Variants in CACNB2 observed in about 807,000 individuals in gnomAD.
The protein encoded by CACNB2 is voltage-dependent L-type calcium channel subunit beta-2.
CACNB2 carries 42 observed loss-of-function variants against 73.3 expected under a neutral mutation model. The observed-to-expected ratio is 0.57, with a 90% CI of 0.45 to 0.74. The LOEUF (loss-of-function observed/expected upper bound fraction) is 0.74. Ranked by LOEUF, CACNB2 falls within the 30% of genes least tolerant of loss-of-function variation. The pLI, the probability that CACNB2 is intolerant of heterozygous loss-of-function variation, is 0.00. For synonymous variants in CACNB2, 348 were observed against 310.3 expected (o/e 1.12, Z -1.28); for missense variants, 940 against 853.0 (o/e 1.10, Z -1.27).
intron 2 of CACNB2, among the ~76,000 whole-genome samples, chr10:18,265,339 G>A (rs989869138): frequency 6.6e-6 from 1 of 151,900 alleles, no homozygotes; most frequent in Non-Finnish European, 1.5e-5. Context: ...CACCATATTG[G>A]CCAGGCTGGT....
chr10:18,330,123 C>T (rs904378046), intron 2 of CACNB2, among the ~76,000 whole-genome samples: 1 of 152,118 alleles, frequency 6.6e-6, no homozygotes, highest in African/African-American at 2.4e-5. Flanking sequence ...TTACAGTTGT[C>T]AGCCACTGCA....
chr10:18,289,284 G>GTTTTTTTTTTTTTTTTT (rs1489491866), intron 2 of CACNB2, among the ~76,000 whole-genome samples: 3 of 85,568 alleles, frequency 3.5e-5, no homozygotes, highest in African/African-American at 1.8e-4. Context: ...TTTTTTTCTT[G>GTTTTTTTTTTTTTTTTT]TTTTTTTGTT....
chr10:18,331,098 G>A (rs530763319), intron 2 of CACNB2, among the ~76,000 whole-genome samples: 9 of 151,970 alleles, frequency 5.9e-5, no homozygotes, highest in East Asian at 1.9e-4. Flanking sequence ...TGATTCTCCC[G>A]CCTCAGCCTC....
chr10:18,325,589 CTCTT>C (rs1429813439), intron 2 of CACNB2, among the ~76,000 whole-genome samples: 1 of 150,192 alleles, frequency 6.7e-6, no homozygotes, highest in Non-Finnish European at 1.5e-5. Context: ...TTTTCTTTCT[CTCTT>C]TCTCTGTCTT....
intron 2 of CACNB2, among the ~76,000 whole-genome samples, chr10:18,242,851 C>CA (rs1257214597): frequency 1.4e-5 from 2 of 147,262 alleles, no homozygotes; most frequent in Admixed American, 6.8e-5. Flanking sequence ...ACCAAAAAAA[C>CA]AAAAAAACAT....
chr10:18,487,703 C>T (rs1459354477), intron 3 of CACNB2, among the ~76,000 whole-genome samples: 4 of 152,060 alleles, frequency 2.6e-5, no homozygotes, highest in South Asian at 2.1e-4. Context: ...GGCATGTTGG[C>T]GGGCGCCTAT....
In CACNB2 at chr10:18,502,708, A is replaced by C. The variant is rs897869708; in HGVS notation, c.593+1760A>C. 1.3e-3 allele frequency among the ~76,000 whole-genome samples: 160 copies of C among 118,762 alleles called. 1 individual carries two copies. The highest frequency in any genetic ancestry group is 4.0e-3 in the African/African-American group (124 of 30,794). The allele number at this position is 118,762 out of a possible 152,430, so 77.9% of individuals were successfully genotyped here. On this transcript the variant is annotated intron_variant, in intron 5 of 13. Coordinates refer to ENST00000324631, the MANE Select transcript of CACNB2 (RefSeq NM_201596.3). ...CCATCTCAAAAAAAAAAAAAAAAAA[A>C]AAAAAAAAAAAAAAAACCGCATGTT...
At chr10:18,295,998 GTTTTTTTTT>G (rs34043231) in intron 2 of CACNB2, among the ~76,000 whole-genome samples, 1 of 60,788 alleles carries the variant, frequency 1.6e-5, no homozygotes, top group Admixed American at 2.3e-4. Context: ...CTTTTTGCGT[GTTTTTTTTT>G]TTTTTTTTTT....
rs1351735561 is a variant in CACNB2 at position 18,332,999 on chromosome 10, G to A, written c.214-68925G>A. 4.6e-5 allele frequency among the ~76,000 whole-genome samples: 7 copies of A among 152,158 alleles called. No homozygotes were observed. In the East Asian group the frequency reaches 1.4e-3, roughly 29 times the overall value. On this transcript the variant is annotated intron_variant, in intron 2 of 13. Transcript: ENST00000324631. Reference sequence around the variant, plus strand: ...ATCTATGGGGTTGGGGAGTAAAGGGGCCAAAAAAGCCACCAAAATACCCTT... The same window carrying A: ...ATCTATGGGGTTGGGGAGTAAAGGGACCAAAAAAGCCACCAAAATACCCTT...
chr10:18,428,577 T>C (rs2045723024), intron 3 of CACNB2, among the ~76,000 whole-genome samples: 1 of 151,846 alleles, frequency 6.6e-6, no homozygotes, highest in African/African-American at 2.4e-5. Flanking sequence ...TCCCAGCTAC[T>C]CTGGAGGCTG....
At chr10:18,298,117 C>A (rs1410599457) in intron 2 of CACNB2, among the ~76,000 whole-genome samples, 1 of 152,132 alleles carries the variant, frequency 6.6e-6, no homozygotes, top group African/African-American at 2.4e-5. Context: ...GCCTGTAATC[C>A]TAGCACTTTG....
intron 2 of CACNB2, among the ~76,000 whole-genome samples, chr10:18,220,045 GTA>G (rs1166721036): frequency 3.5e-5 from 5 of 143,642 alleles, no homozygotes; most frequent in Middle Eastern, 3.6e-3. Context: ...GGGATTACAG[GTA>G]TGAGCCACCA....
At chr10:18,337,733 AT>A (rs1382182293) in intron 2 of CACNB2, among the ~76,000 whole-genome samples, 14 of 152,120 alleles carry the variant, frequency 9.2e-5, no homozygotes, top group East Asian at 1.9e-4. Context: ...TTTCATATTT[AT>A]TTTTTTACAT....
intron 2 of CACNB2, among the ~76,000 whole-genome samples, chr10:18,172,419 T>C (rs545075979): frequency 1.3e-5 from 2 of 152,334 alleles, no homozygotes; most frequent in African/African-American, 4.8e-5. Context: ...AATGTTTTTC[T>C]CTTCTCTTGA....
At chr10:18,365,748 G>A (rs1338326320) in intron 2 of CACNB2, among the ~76,000 whole-genome samples, 1 of 152,166 alleles carries the variant, frequency 6.6e-6, no homozygotes, top group Non-Finnish European at 1.5e-5. Flanking sequence ...TGTTGAAAAA[G>A]AGAGCCTCCA....
At position 18,443,017 on chromosome 10, in the gene CACNB2, T is replaced by C. The variant is rs1295059668; in HGVS notation, c.333+40974T>C. Among the ~76,000 whole-genome samples the C allele has an allele frequency of 6.0e-3, 344 of 57,308 alleles. 28 individuals carry two copies. The highest frequency in any genetic ancestry group is 0.019 in the African/African-American group (330 of 17,732). 37.6% of individuals were successfully genotyped at this position (57,308 alleles called of 152,430 possible). On this transcript the variant is annotated intron_variant, in intron 3 of 13. Transcript: ENST00000324631. ...ATATATGTGTATATATATATATGTA[T>C]ATATATATATATATATATAAATAAG...
At chr10:18,475,630 C>G (rs1190159727) in intron 3 of CACNB2, among the ~76,000 whole-genome samples, 1 of 152,072 alleles carries the variant, frequency 6.6e-6, no homozygotes, top group Non-Finnish European at 1.5e-5. Flanking sequence ...CTCCCCCTGA[C>G]CTTACCCCAA....
At chr10:18,141,158 C>T (rs1268539268) in intron 1 of CACNB2, 3 of 1,315,588 alleles carry the variant, frequency 2.3e-6, no homozygotes, top group South Asian at 1.2e-5. Flanking sequence ...CGCCCCTTCC[C>T]GGGAGAGGCA....
chr10:18,236,774 A>T (rs368548972), intron 2 of CACNB2, among the ~76,000 whole-genome samples: 1 of 152,220 alleles, frequency 6.6e-6, no homozygotes, highest in Admixed American at 6.5e-5. Context: ...AAATGCTTGC[A>T]TCAGTGATCC....
Sources: allele counts gnomAD v4.1 joint callset (sites outside exome capture counted in the v4.1 genomes callset), GRCh38; gene constraint gnomAD v4.1.1; transcripts MANE v1.5; gene names NCBI Gene and HGNC (gene_info 2026-07-23, HGNC 2026-07-21).